The following BCAR3 variants were observed in gnomAD, a reference collection of about 807,000 sequenced individuals.
BCAR3 encodes the protein BCAR3 adaptor protein, NSP family member.
Under a neutral mutation model 80.1 loss-of-function variants are expected in BCAR3, and 37 were observed. That is an observed-to-expected ratio of 0.46 (90% confidence interval 0.36 to 0.61). BCAR3 has a LOEUF of 0.61. Ranked by LOEUF, BCAR3 falls within the 20% of genes least tolerant of loss-of-function variation. The pLI, the probability that BCAR3 is intolerant of heterozygous loss-of-function variation, is 0.00. For synonymous variants in BCAR3, 389 were observed against 418.9 expected (o/e 0.93, Z 0.87); for missense variants, 978 against 1,068.2 (o/e 0.92, Z 1.18).
At chr1:93,769,355 ATGTGTGTGTGTGTGTGTGTG>A (rs59798936) in intron 2 of BCAR3, among the ~76,000 whole-genome samples, 39 of 119,836 alleles carry the variant, frequency 3.3e-4, no homozygotes, top group Admixed American at 1.0e-3. Flanking sequence ...GTGGGTAGGA[ATGTGTGTGTGTGTGTGTGTG>A]TGTGTGTGTG....
At chr1:93,842,292 C>T (rs1654990017) in intron 2 of BCAR3, among the ~76,000 whole-genome samples, 1 of 152,012 alleles carries the variant, frequency 6.6e-6, no homozygotes, top group Non-Finnish European at 1.5e-5. Flanking sequence ...GCTGGGATTA[C>T]AGGCATGTGC....
intron 2 of BCAR3, among the ~76,000 whole-genome samples, chr1:93,781,697 T>C (rs1246064947): frequency 6.6e-6 from 1 of 152,220 alleles, no homozygotes; most frequent in Non-Finnish European, 1.5e-5. Flanking sequence ...CCTCCCATGC[T>C]GGCTCTGCAT....
At chr1:93,680,746 A>C (rs1161253041) in intron 1 of BCAR3, among the ~76,000 whole-genome samples, 2 of 152,204 alleles carry the variant, frequency 1.3e-5, no homozygotes, top group African/African-American at 2.4e-5. Flanking sequence ...GCTTCAAGCG[A>C]GTTAACCCCA....
At chr1:93,591,168 TAAAAAAAA>T (rs35143036) in intron 4 of BCAR3, among the ~76,000 whole-genome samples, 10 of 66,340 alleles carry the variant, frequency 1.5e-4, no homozygotes, top group Non-Finnish European at 1.8e-4. Context: ...TCTACTACAT[TAAAAAAAA>T]AAAAAAAAAA....
chr1:93,844,750 C>T (rs572160409), intron 2 of BCAR3, among the ~76,000 whole-genome samples: 5 of 150,740 alleles, frequency 3.3e-5, no homozygotes, highest in Non-Finnish European at 7.4e-5. Flanking sequence ...ATTCTGTCGC[C>T]CAGGCTGGAG....
At chr1:93,679,968 AT>A (rs1435236216) in intron 1 of BCAR3, among the ~76,000 whole-genome samples, 1 of 152,218 alleles carries the variant, frequency 6.6e-6, no homozygotes, top group Non-Finnish European at 1.5e-5. Flanking sequence ...ATGACAGAGA[AT>A]TTACAACTTG....
rs113686430 is a variant in BCAR3, at chr1:93,573,348, T to C, written c.1803-1507A>G. ...GGAGGCAGAGGTTGTAGTGAGCAGA[T>C]TGCGCCACTGCACTCCAGCCTGGGT... On this transcript the variant is annotated intron_variant, in intron 8 of 11. Transcript: ENST00000260502. 9.3e-4 allele frequency among the ~76,000 whole-genome samples: 141 copies of C among 152,088 alleles called. 1 individual carries two copies. Among genetic ancestry groups the C allele is most frequent in the African/African-American group, 3.3e-3 (135 of 41,516 alleles).
chr1:93,844,127 T>C (rs1655059753), intron 2 of BCAR3, among the ~76,000 whole-genome samples: 1 of 152,110 alleles, frequency 6.6e-6, no homozygotes, highest in Admixed American at 6.5e-5. Flanking sequence ...GACAACATGG[T>C]GAAACCCCAT....
chr1:93,685,920 T>C (rs1437936561), upstream of BCAR3, among the ~76,000 whole-genome samples: 1 of 152,152 alleles, frequency 6.6e-6, no homozygotes, highest in Non-Finnish European at 1.5e-5. Flanking sequence ...CTTTTTTTTC[T>C]TTTTTGGAAT....
At chr1:93,817,804 C>T (rs1654072642) in intron 2 of BCAR3, among the ~76,000 whole-genome samples, 1 of 152,226 alleles carries the variant, frequency 6.6e-6, no homozygotes, top group Non-Finnish European at 1.5e-5. Flanking sequence ...CCCCACATCC[C>T]TGCCCAGCAT....
intron 3 of BCAR3, among the ~76,000 whole-genome samples, chr1:93,697,838 C>G (rs955930885): frequency 6.6e-6 from 1 of 152,082 alleles, no homozygotes; most frequent in Admixed American, 6.5e-5. Flanking sequence ...ATTAGCCAGG[C>G]ATGGTGGCGC....
At chr1:93,762,389 G>T (rs1244241732) in intron 2 of BCAR3, among the ~76,000 whole-genome samples, 1 of 152,172 alleles carries the variant, frequency 6.6e-6, no homozygotes, top group African/African-American at 2.4e-5. Flanking sequence ...GTCAAGCAAG[G>T]CTCCCCATCA....
At chr1:93,648,859 C>G (rs1474520325) in intron 2 of BCAR3, 1 of 152,612 alleles carries the variant, frequency 6.6e-6, no homozygotes, top group African/African-American at 2.4e-5. Flanking sequence ...CTCAGCCTGG[C>G]TCCTGGCTGC....
At chr1:93,619,100 AT>A (rs34715455) in intron 3 of BCAR3, among the ~76,000 whole-genome samples, 20,740 of 126,662 alleles carry the variant, frequency 0.16, 1,613 homozygotes, top group African/African-American at 0.29. Flanking sequence ...CACCACGCCA[AT>A]TTTTTTTTTT....
intron 2 of BCAR3, among the ~76,000 whole-genome samples, chr1:93,844,181 C>T (rs1473277410): frequency 6.6e-6 from 1 of 152,158 alleles, no homozygotes; most frequent in Non-Finnish European, 1.5e-5. Flanking sequence ...GTGGCACGTG[C>T]CTGTAATCCC....
chr1:93,702,178 A>G (rs1359211958), intron 3 of BCAR3, among the ~76,000 whole-genome samples: 1 of 152,152 alleles, frequency 6.6e-6, no homozygotes, highest in East Asian at 1.9e-4. Flanking sequence ...ACAGCACGCC[A>G]TTGCAGCAGG....
At chr1:93,614,133 A>G in intron 3 of BCAR3, 1 of 1,352,552 alleles carries the variant, frequency 7.4e-7, no homozygotes, top group Non-Finnish European at 9.5e-7. Flanking sequence ...AATACGATCC[A>G]CTCGCTCAAT....
chr1:93,841,509 T>C (rs1347743751), intron 2 of BCAR3, among the ~76,000 whole-genome samples: 2 of 152,170 alleles, frequency 1.3e-5, no homozygotes, highest in Non-Finnish European at 2.9e-5. Context: ...CCTACATCCT[T>C]CCTGAGCCCT....
chr1:93,720,735 G>A lies in BCAR3; in HGVS notation c.-62-14593C>T, dbSNP rs76743063. On this transcript the variant is annotated intron_variant, in intron 2 of 13. Coordinates refer to the BCAR3 transcript ENST00000370244. ...AACTACAAACAAAAGGTAGAAAGGA[G>A]GAGGATGCTCCCCGGAGCCAGAGGA... 8.0e-3 allele frequency among the ~76,000 whole-genome samples: 1,219 copies of A among 152,354 alleles called. 19 individuals carry two copies. The highest frequency in any genetic ancestry group is 0.028 in the African/African-American group (1,149 of 41,574).
Sources: gnomAD v4.1 joint callset for allele counts (sites outside exome capture counted in the v4.1 genomes callset) on GRCh38, gnomAD v4.1.1 for gene constraint, MANE v1.5 for transcripts, NCBI Gene and HGNC (gene_info 2026-07-23, HGNC 2026-07-21) for gene names.